The following ZC3H12B variants were observed in gnomAD, a reference collection of about 807,000 sequenced individuals.
ZC3H12B encodes the protein zinc finger CCCH-type containing 12B, also known as probable ribonuclease ZC3H12B.
A neutral mutation model predicts 43.9 loss-of-function variants in ZC3H12B; 7 were observed. The observed-to-expected ratio is 0.16, with a 90% CI of 0.09 to 0.30. The LOEUF is 0.30. Among genes scored for constraint, ZC3H12B ranks in the 10% least tolerant of loss-of-function variants. The pLI is 1.00. For missense variants in ZC3H12B, 475 were observed against 670.2 expected (o/e 0.71, Z 3.22); for synonymous variants, 222 against 241.7 (o/e 0.92, Z 0.76).
the ZC3H12B span, among the ~76,000 whole-genome samples, chrX:65,097,840 A>T: frequency 8.9e-6 from 1 of 111,833 alleles, no homozygotes; most frequent in South Asian, 3.7e-4. Context: ...TGTTATTAGC[A>T]TCTTTGTAAC....
At chrX:65,373,962 G>GTA (rs1320067593) in intron 2 of ZC3H12B, among the ~76,000 whole-genome samples, 6 of 6,359 alleles carry the variant, frequency 9.4e-4, no homozygotes, top group Non-Finnish European at 2.4e-3. Context: ...TATATATACT[G>GTA]TATATATAGT....
the ZC3H12B span, among the ~76,000 whole-genome samples, chrX:65,240,070 G>T: frequency 1.8e-5 from 2 of 110,879 alleles, no homozygotes; most frequent in Non-Finnish European, 3.8e-5. Context: ...ATTTTCTTGT[G>T]GAGTTTCTGA....
chrX:65,454,235 C>T (rs1210105186), intron 3 of ZC3H12B, among the ~76,000 whole-genome samples: 2 of 112,248 alleles, frequency 1.8e-5, no homozygotes, highest in Non-Finnish European at 3.8e-5. Context: ...AACTCCCTTT[C>T]CTAGGGGTGA....
the ZC3H12B span, chrX:65,331,090 C>T: frequency 8.0e-5 from 25 of 312,261 alleles, no homozygotes; most frequent in Admixed American, 6.9e-4. Context: ...TTTTATTCCA[C>T]CAATTGTAAT....
chrX:65,048,640 C>A, the ZC3H12B span, among the ~76,000 whole-genome samples: 7 of 110,905 alleles, frequency 6.3e-5, no homozygotes, highest in South Asian at 2.6e-3. Flanking sequence ...ATGAGGTACA[C>A]ATATATAGTA....
chrX:65,167,451 T>C, the ZC3H12B span, among the ~76,000 whole-genome samples: 1 of 111,920 alleles, frequency 8.9e-6, no homozygotes, highest in Non-Finnish European at 1.9e-5. Flanking sequence ...TGTAGCCTTG[T>C]AGTGTAGTTT....
the ZC3H12B span, among the ~76,000 whole-genome samples, chrX:65,294,094 G>A: frequency 9.0e-6 from 1 of 111,280 alleles, no homozygotes; most frequent in Non-Finnish European, 1.9e-5. Context: ...AATCTTAAGA[G>A]CCCTGAGGTG....
the ZC3H12B span, among the ~76,000 whole-genome samples, chrX:65,160,478 G>A: frequency 1.8e-5 from 2 of 111,637 alleles, no homozygotes; most frequent in African/African-American, 6.5e-5. Context: ...CTTCTTTGTG[G>A]TTTAGTCTTG....
chrX:65,500,059 T>C, intron 4 of ZC3H12B, 70 bp downstream of exon 9: 4 of 850,419 alleles, frequency 4.7e-6, no homozygotes, highest in Non-Finnish European at 5.1e-6. Context: ...CACTTTTCTC[T>C]TCCAGGTTTC....
At chrX:65,218,842 C>T in the ZC3H12B span, among the ~76,000 whole-genome samples, 16 of 111,865 alleles carry the variant, frequency 1.4e-4, no homozygotes, top group Admixed American at 6.6e-4. Flanking sequence ...AAAGTGCCCC[C>T]TCCTGGCTGG....
At chrX:65,402,837 G>T (rs1176058482) in intron 3 of ZC3H12B, among the ~76,000 whole-genome samples, 2 of 112,261 alleles carry the variant, frequency 1.8e-5, no homozygotes, top group African/African-American at 6.5e-5. Flanking sequence ...TTTCTGGAAA[G>T]CTTTTCAAAT....
At chrX:65,145,835 T>A in the ZC3H12B span, among the ~76,000 whole-genome samples, 1 of 111,651 alleles carries the variant, frequency 9.0e-6, no homozygotes, top group Non-Finnish European at 1.9e-5. Context: ...GCTTGTAAGG[T>A]TTCTGCTGAT....
chrX:65,466,194 ACT>A (rs968713200), intron 3 of ZC3H12B, among the ~76,000 whole-genome samples: 2 of 110,324 alleles, frequency 1.8e-5, no homozygotes, highest in Non-Finnish European at 3.8e-5. Context: ...CCACTCTTCT[ACT>A]CTCTGTTTCC....
intron 3 of ZC3H12B, among the ~76,000 whole-genome samples, chrX:65,472,480 T>A (rs1215410395): frequency 5.5e-5 from 6 of 109,637 alleles, no homozygotes; most frequent in Non-Finnish European, 1.1e-4. Flanking sequence ...GCCTCTGGGA[T>A]CATACCCAAA....
chrX:65,200,476 A>G, the ZC3H12B span, among the ~76,000 whole-genome samples: 2 of 83,665 alleles, frequency 2.4e-5, no homozygotes, highest in Non-Finnish European at 4.3e-5. Flanking sequence ...TGAGTTGCCC[A>G]GGCTGGAGTG....
At chrX:65,112,347 C>T in the ZC3H12B span, among the ~76,000 whole-genome samples, 1 of 112,262 alleles carries the variant, frequency 8.9e-6, no homozygotes, top group Non-Finnish European at 1.9e-5. Context: ...GGTGAAGCAG[C>T]AAGTGCTGAT....
chrX:65,128,711 T>G, the ZC3H12B span, among the ~76,000 whole-genome samples: 1 of 112,312 alleles, frequency 8.9e-6, no homozygotes, highest in African/African-American at 3.2e-5. Flanking sequence ...TAGTGTTCAC[T>G]TCACACATTC....
At chrX:65,296,715 C>T in the ZC3H12B span, among the ~76,000 whole-genome samples, 1 of 110,827 alleles carries the variant, frequency 9.0e-6, no homozygotes, top group Non-Finnish European at 1.9e-5. Flanking sequence ...AAGGAAAATA[C>T]AGACCAATAT....
At position 65,498,789 on chromosome X, in the gene ZC3H12B, T is replaced by G. The variant is rs184442161; in HGVS notation, c.749-210T>G. Among the ~76,000 whole-genome samples, 316 of 112,210 alleles carry G rather than the reference T, an allele frequency of 2.8e-3. No homozygotes were observed. The highest frequency in any genetic ancestry group is 9.3e-3 in the African/African-American group (288 of 30,962). On this transcript the variant is annotated intron_variant, in intron 2 of 4. Transcript: ENST00000338957. ...CATTGAATCCAGTTCCTTCATTTTA[T>G]CAAAAAGAAGACTGAAGTCCAAAGG...
Sources: allele counts gnomAD v4.1 joint callset (sites outside exome capture counted in the v4.1 genomes callset), GRCh38; gene constraint gnomAD v4.1.1; transcripts MANE v1.5; gene names NCBI Gene and HGNC (gene_info 2026-07-23, HGNC 2026-07-21).